TMEM232: variants seen among roughly 807,000 people sequenced by gnomAD.
TMEM232 encodes transmembrane protein 232.
In TMEM232, 80 loss-of-function variants were observed where a neutral mutation model predicts 78.8. The ratio of observed to expected loss-of-function variants is 1.01; its 90% confidence interval spans 0.85 to 1.22. TMEM232 has a LOEUF of 1.22. TMEM232 is among the 50% of genes most tolerant of loss of function. The pLI, the probability that TMEM232 is intolerant of heterozygous loss-of-function variation, is 0.00. For synonymous variants in TMEM232, 297 were observed against 254.3 expected, an observed-to-expected ratio of 1.17 and a Z score of -1.60; for missense variants, 881 against 742.2, an observed-to-expected ratio of 1.19 and a Z score of -2.17.
chr5:110,682,153 C>G (rs1402136445), intron 1 of TMEM232, among the ~76,000 whole-genome samples: 2 of 151,894 alleles, frequency 1.3e-5, no homozygotes, highest in Non-Finnish European at 2.9e-5. Flanking sequence ...TATAATTTTT[C>G]CTGAATCAGC....
chr5:110,674,241 A>G (rs895660975), intron 1 of TMEM232, among the ~76,000 whole-genome samples: 33 of 152,166 alleles, frequency 2.2e-4, no homozygotes, highest in Admixed American at 6.5e-5. Flanking sequence ...TTGGTCAAGA[A>G]AAAACAATAA....
At chr5:110,412,017 G>A (rs1212832983) in intron 2 of TMEM232, among the ~76,000 whole-genome samples, 5 of 152,094 alleles carry the variant, frequency 3.3e-5, no homozygotes, top group Non-Finnish European at 4.4e-5. Flanking sequence ...TAACATTCAT[G>A]TTACATCCTG....
At chr5:110,522,829 G>A (rs555439147) in intron 12 of TMEM232, among the ~76,000 whole-genome samples, 10 of 152,178 alleles carry the variant, frequency 6.6e-5, no homozygotes, top group Admixed American at 6.5e-4. Flanking sequence ...CTATTTTGTT[G>A]AGGATTTTTG....
chr5:110,498,185 G>C (rs148661346), intron 12 of TMEM232, among the ~76,000 whole-genome samples: 1,639 of 152,156 alleles, frequency 0.011, 22 homozygotes, highest in Non-Finnish European at 0.014. Context: ...AATGAACTTT[G>C]TATTAAAGTT....
At chr5:110,422,389 G>A (rs1045449552) in intron 13 of TMEM232, among the ~76,000 whole-genome samples, 4 of 151,196 alleles carry the variant, frequency 2.6e-5, no homozygotes, top group African/African-American at 9.7e-5. Flanking sequence ...GCGTGGTGGC[G>A]GGTGCCTGTA....
chr5:110,554,201 T>G (rs1205515512), intron 11 of TMEM232, among the ~76,000 whole-genome samples: 2 of 152,106 alleles, frequency 1.3e-5, no homozygotes, highest in Non-Finnish European at 2.9e-5. Context: ...ACCCTTAATC[T>G]GGGTGAGCAC....
chr5:110,732,692 A>G (rs1439129364), intron 2 of TMEM232, among the ~76,000 whole-genome samples: 4 of 152,326 alleles, frequency 2.6e-5, no homozygotes, highest in African/African-American at 9.6e-5. Context: ...GGGAGATACA[A>G]TTCAAGTTGA....
At chr5:110,510,189 C>G (rs10071016) in intron 12 of TMEM232, among the ~76,000 whole-genome samples, 4,605 of 152,228 alleles carry the variant, frequency 0.03, 244 homozygotes, top group African/African-American at 0.11. Flanking sequence ...CTTTCCTGAA[C>G]TACAAAATTT....
Position 110,620,577 on chromosome 5 carries a change from A to ATCTCTCTATCTCTCTC in TMEM232, c.769-2016_769-2015insGAGAGAGATAGAGAGA, listed in dbSNP as rs1783510315. 9.3e-5 allele frequency among the ~76,000 whole-genome samples: 4 copies of ATCTCTCTATCTCTCTC among 43,138 alleles called. 1 individual carries two copies. Among genetic ancestry groups the ATCTCTCTATCTCTCTC allele is most frequent in the African/African-American group, 2.9e-4 (4 of 13,594 alleles). The allele number at this position is 43,138 out of a possible 152,430, so 28.3% of individuals were successfully genotyped here. A position where few individuals can be genotyped will look rare whatever the true frequency, so the allele number is the denominator to read the frequency against. ...TAGTTCCTTGTGGTATGTCTCTCAT[A>ATCTCTCTATCTCTCTC]TCTCTCTCTCTCTCTCTCTCTCTCT... On this transcript the variant is annotated intron_variant, in intron 7 of 13. Transcript: ENST00000455884.
At chr5:110,737,060 T>A (rs915547976) in intron 1 of TMEM232, among the ~76,000 whole-genome samples, 5 of 151,946 alleles carry the variant, frequency 3.3e-5, no homozygotes, top group African/African-American at 9.7e-5. Context: ...AATACAATCA[T>A]GTCATTATTT....
At chr5:110,505,343 C>T (rs1293891919) in intron 12 of TMEM232, among the ~76,000 whole-genome samples, 1 of 152,124 alleles carries the variant, frequency 6.6e-6, no homozygotes, top group Non-Finnish European at 1.5e-5. Context: ...AACTCCCCAG[C>T]TTTTAGCCTA....
At chr5:110,421,243 C>T (rs897871627) in intron 13 of TMEM232, among the ~76,000 whole-genome samples, 1 of 151,850 alleles carries the variant, frequency 6.6e-6, no homozygotes, top group African/African-American at 2.4e-5. Context: ...AAAAAAAGCT[C>T]TAAAGAATTT....
intron 10 of TMEM232, among the ~76,000 whole-genome samples, chr5:110,587,713 G>A (rs1779023033): frequency 1.4e-5 from 2 of 141,782 alleles, no homozygotes; most frequent in South Asian, 4.5e-4. Context: ...GTGTGTGTGT[G>A]TGTGTGTGTG....
upstream of TMEM232, among the ~76,000 whole-genome samples, chr5:110,729,508 T>A (rs947783181): frequency 6.6e-6 from 1 of 152,178 alleles, no homozygotes; most frequent in Non-Finnish European, 1.5e-5. Flanking sequence ...TCATGTAATA[T>A]GAATGGGAAG....
chr5:110,649,501 T>C (rs1222857382), intron 2 of TMEM232, among the ~76,000 whole-genome samples: 2 of 152,138 alleles, frequency 1.3e-5, no homozygotes, highest in African/African-American at 4.8e-5. Context: ...CTTTTAATTA[T>C]AGCAGATTAA....
intron 1 of TMEM232, among the ~76,000 whole-genome samples, chr5:110,696,297 G>C: frequency 6.6e-6 from 1 of 152,184 alleles, no homozygotes; most frequent in East Asian, 1.9e-4. Context: ...TTGATGGGAC[G>C]TATCTCAAAA....
intron 2 of TMEM232, among the ~76,000 whole-genome samples, chr5:110,646,614 G>A (rs1440056465): frequency 6.6e-6 from 1 of 151,592 alleles, no homozygotes; most frequent in Admixed American, 6.6e-5. Context: ...GAATGCATAG[G>A]GAATATACTT....
chr5:110,701,793 T>C (rs577611864), intron 1 of TMEM232, among the ~76,000 whole-genome samples: 3 of 152,112 alleles, frequency 2.0e-5, no homozygotes, highest in South Asian at 4.1e-4. Flanking sequence ...TCTACTTAAG[T>C]ATATGGATGA....
chr5:110,635,792 A>C (rs1032574604), intron 5 of TMEM232, among the ~76,000 whole-genome samples: 1 of 152,164 alleles, frequency 6.6e-6, no homozygotes, highest in African/African-American at 2.4e-5. Context: ...AGAAAAGAGA[A>C]TGCATATGCT....
Sources: allele counts gnomAD v4.1 joint callset (sites outside exome capture counted in the v4.1 genomes callset), GRCh38; gene constraint gnomAD v4.1.1; transcripts MANE v1.5; gene names NCBI Gene and HGNC (gene_info 2026-07-23, HGNC 2026-07-21).